The following DNA2 variants were observed in gnomAD, a reference collection of about 807,000 sequenced individuals.
DNA2 encodes DNA replication helicase/nuclease 2.
DNA2 carries 101 observed loss-of-function variants against 119.1 expected under a neutral mutation model. The ratio of observed to expected loss-of-function variants is 0.85; its 90% CI spans 0.72 to 1.00. The LOEUF (loss-of-function observed/expected upper bound fraction) is 1.00. Ranked by LOEUF, DNA2 falls within the 50% of genes least tolerant of loss-of-function variation. The probability of loss-of-function intolerance (pLI) is 0.00; values close to 1 mark genes in which losing one functional copy is unlikely to be tolerated. For synonymous variants in DNA2, 366 were observed against 424.4 expected, an observed-to-expected ratio of 0.86 and a Z score of 1.69; for missense variants, 1,121 against 1,255.5, an observed-to-expected ratio of 0.89 and a Z score of 1.62.
intron 4 of DNA2, among the ~76,000 whole-genome samples, chr10:68,464,811 A>G (rs2052305588): frequency 1.5e-5 from 2 of 133,378 alleles, no homozygotes; most frequent in Non-Finnish European, 3.1e-5. Flanking sequence ...CCTGGACAAC[A>G]AGAGCGAAAC....
At chr10:68,471,694 G>A (rs888911046) in intron 1 of DNA2, 97 bp downstream of exon 1, 67 of 1,411,152 alleles carry the variant, frequency 4.7e-5, no homozygotes, top group Non-Finnish European at 5.2e-5. Flanking sequence ...CCTGGGCCCC[G>A]GGCCCGGTCA....
chr10:68,417,893 A>G (rs944880907), intron 19 of DNA2, among the ~76,000 whole-genome samples: 2 of 152,194 alleles, frequency 1.3e-5, no homozygotes, highest in Non-Finnish European at 2.9e-5. Flanking sequence ...TAAGTGAAAT[A>G]AGGTAGTCAC....
At chr10:68,450,474 A>G (rs1226707661) in intron 5 of DNA2, among the ~76,000 whole-genome samples, 3 of 152,192 alleles carry the variant, frequency 2.0e-5, no homozygotes, top group African/African-American at 4.8e-5. Flanking sequence ...CTACTCAAAC[A>G]GAAACTCTAG....
At chr10:68,463,443 C>CAA (rs35470662) in intron 4 of DNA2, among the ~76,000 whole-genome samples, 2,129 of 59,390 alleles carry the variant, frequency 0.036, 102 homozygotes, top group East Asian at 0.12. Flanking sequence ...GACTCCATCT[C>CAA]AAAAAAAAAA....
intron 14 of DNA2, among the ~76,000 whole-genome samples, chr10:68,426,260 G>A (rs969974437): frequency 4.0e-5 from 6 of 151,220 alleles, no homozygotes; most frequent in East Asian, 2.0e-4. Flanking sequence ...TTTTGCAGCC[G>A]GGCACAGTGG....
chr10:68,471,838 C>T lies in DNA2; in HGVS notation c.27G>A (p.Leu9=), dbSNP rs1211027535. The T allele has an allele frequency of 1.9e-6, 3 of 1,612,766 alleles. No individual in the cohort carries two copies. In the Admixed American group the frequency reaches 5.0e-5, roughly 27 times the overall value. ...CCTCCCAAAAACTCTTCTCCATCAG[C>T]AGCTCCAGTTCGTTCAGCTGCTCCA... The part of the protein sequence containing the change: MEQLNELE[L]LMEKSFWEEA... Residue 9 remains leucine, a synonymous_variant, in exon 1 of 21, where the codon CTG becomes CTA. Transcript: ENST00000358410.
rs1470589054 is a variant in DNA2, at chr10:68,422,517, G to A, written c.2490C>T (p.Asn830=). ...CTAGCTAACACTGTTACAAATACCT[G>A]TTCATTCTGTACTGCACGGTTAACT... ...VVQLTVQYRM[N]SKIMSLSNKL... Residue 830 remains asparagine, a splice_region_variant and synonymous_variant, in exon 16 of 21, where the codon AAC becomes AAT. Coordinates refer to ENST00000358410, the MANE Select transcript of DNA2 (RefSeq NM_001080449.3). 1.2e-6 allele frequency: 2 copies of A among 1,613,692 alleles called. No individual in the cohort carries two copies. The highest frequency in any genetic ancestry group is 2.7e-5 in the African/African-American group (2 of 74,918).
chr10:68,442,575 C>T (rs984273805), intron 9 of DNA2, among the ~76,000 whole-genome samples: 5 of 152,094 alleles, frequency 3.3e-5, no homozygotes, highest in African/African-American at 7.2e-5. Context: ...TTAGTAAAGA[C>T]GGGGTTTTGC....
At chr10:68,419,984 G>A in intron 17 of DNA2, 92 bp from the exon 18 acceptor site, 1 of 947,602 alleles carries the variant, frequency 1.1e-6, no homozygotes, top group Non-Finnish European at 1.6e-6. Flanking sequence ...CTACCGACTT[G>A]GAGATGAAAA....
intron 14 of DNA2, among the ~76,000 whole-genome samples, chr10:68,426,756 G>A (rs9702766): frequency 0.12 from 17,790 of 147,688 alleles, 1,212 homozygotes; most frequent in South Asian, 0.25. Flanking sequence ...GGAGAATGGC[G>A]TGAACCCGGG....
At chr10:68,464,859 C>T (rs1161464579) in intron 4 of DNA2, among the ~76,000 whole-genome samples, 1 of 102,898 alleles carries the variant, frequency 9.7e-6, no homozygotes, top group East Asian at 2.9e-4. Context: ...AAAAAAAAAA[C>T]TGGTAAGGCA....
chr10:68,453,225 A>C (rs1303197134), intron 5 of DNA2, among the ~76,000 whole-genome samples: 1 of 152,132 alleles, frequency 6.6e-6, no homozygotes, highest in Non-Finnish European at 1.5e-5. Context: ...AAATGGCAAC[A>C]AAAATTAATT....
intron 2 of DNA2, among the ~76,000 whole-genome samples, chr10:68,469,390 CAAAAAAAA>C (rs71019005): frequency 5.3e-5 from 4 of 76,036 alleles, no homozygotes; most frequent in East Asian, 3.2e-4. Flanking sequence ...ACTAAAAATA[CAAAAAAAA>C]AAAAAAAAAA....
In DNA2 at chr10:68,414,529, A is replaced by C. The variant is rs1190155787; in HGVS notation, c.*510T>G. The stretch of plus-strand genomic sequence containing the variant: ...AAAGGAGGATAGTAAGGGAGGATAG[A>C]AAATTAACAGGAAGTAATCAATTCA... On this transcript the variant is annotated 3_prime_UTR_variant, in exon 21 of 21. Transcript: ENST00000358410. 1 of 152,264 alleles carries C rather than the reference A, an allele frequency of 6.6e-6. No homozygotes were observed. Among genetic ancestry groups the C allele is most frequent in the Non-Finnish European group, 1.5e-5 (1 of 68,074 alleles). The allele number at this position is 152,264 out of a possible 1,614,324, so 9.4% of individuals were successfully genotyped here.
intron 4 of DNA2, among the ~76,000 whole-genome samples, chr10:68,460,226 C>T (rs2133434104): frequency 6.6e-6 from 1 of 151,994 alleles, no homozygotes; most frequent in South Asian, 2.1e-4. Flanking sequence ...CCCCACTCAG[C>T]CTTCAGAGTA....
chr10:68,427,802 G>A (rs1454171062), intron 14 of DNA2, among the ~76,000 whole-genome samples: 1 of 152,070 alleles, frequency 6.6e-6, no homozygotes, highest in Admixed American at 6.6e-5. Flanking sequence ...GGGAGGCCAA[G>A]GCGGGTGGAT....
chr10:68,466,171 C>T (rs1281345451), intron 3 of DNA2, among the ~76,000 whole-genome samples: 1 of 152,042 alleles, frequency 6.6e-6, no homozygotes, highest in Non-Finnish European at 1.5e-5. Context: ...CAGGTGTGTG[C>T]TATCATGCCC....
At chr10:68,442,066 G>A (rs1179848491) in intron 9 of DNA2, among the ~76,000 whole-genome samples, 6 of 151,474 alleles carry the variant, frequency 4.0e-5, no homozygotes, top group African/African-American at 1.5e-4. Context: ...AGACATGCAC[G>A]ACCACACCTA....
intron 4 of DNA2, among the ~76,000 whole-genome samples, chr10:68,460,700 A>G (rs12221056): frequency 0.18 from 27,046 of 151,912 alleles, 2,934 homozygotes; most frequent in African/African-American, 0.31. Flanking sequence ...GAGCCATTGC[A>G]CCTGGCCTAA....
Sources: allele counts gnomAD v4.1 joint callset (sites outside exome capture counted in the v4.1 genomes callset), GRCh38; gene constraint gnomAD v4.1.1; transcripts MANE v1.5; gene names NCBI Gene and HGNC (gene_info 2026-07-23, HGNC 2026-07-21).